CLN8: variants seen among roughly 807,000 people sequenced by gnomAD.
The protein encoded by CLN8 is CLN8 transmembrane ER and ERGIC protein.
In CLN8, 14 loss-of-function variants were observed where a neutral mutation model predicts 15.7. The ratio of observed to expected loss-of-function variants is 0.89; its 90% CI spans 0.59 to 1.39. The LOEUF (loss-of-function observed/expected upper bound fraction) is 1.39. Among genes scored for constraint, CLN8 ranks in the 40% most tolerant of loss-of-function variants. The pLI, the probability that CLN8 is intolerant of heterozygous loss-of-function variation, is 0.00. For missense variants in CLN8, 415 were observed against 364.0 expected (o/e 1.14, Z -1.14); for synonymous variants, 188 against 151.0 (o/e 1.25, Z -1.80).
rs1243513942 is a variant in CLN8, at chr8:1,785,369, C to T, written c.*4802C>T. ...GTGGCACAGGCGGCGTGGGGTTAGA[C>T]AGGTACCGGTCAGATTACGGTGGCA... On this transcript the variant is annotated 3_prime_UTR_variant, in exon 3 of 3. Coordinates refer to ENST00000331222, the MANE Select transcript of CLN8 (RefSeq NM_018941.4). 1 of 138,994 alleles carries T rather than the reference C, an allele frequency of 7.2e-6. No homozygotes were observed. The highest frequency in any genetic ancestry group is 1.5e-5 in the Non-Finnish European group (1 of 66,276). 8.6% of individuals were successfully genotyped at this position (138,994 alleles called of 1,614,324 possible). A position where few individuals can be genotyped will look rare whatever the true frequency, so the allele number is the denominator to read the frequency against.
intron 2 of CLN8, among the ~76,000 whole-genome samples, chr8:1,775,629 G>A (rs553357580): frequency 6.6e-6 from 1 of 152,194 alleles, no homozygotes; most frequent in Admixed American, 6.5e-5. Context: ...GAAAATGGTG[G>A]AGGAGAACTT....
upstream of CLN8, among the ~76,000 whole-genome samples, chr8:1,755,018 C>T (rs1320479602): frequency 6.6e-6 from 1 of 152,196 alleles, no homozygotes; most frequent in African/African-American, 2.4e-5. Flanking sequence ...TACAGACCTC[C>T]GAGCCAATGA....
chr8:1,771,304 G>T lies in CLN8; in HGVS notation c.250G>T (p.Ala84Ser). ...TCAGAGCACAGCCGCAGGCCTGTGG[G>T]CTCTGCTGGGGGACCCTGTGCTGCA... ...GVQSTAAGLW[A>S]LLGDPVLHAD... Residue 84 changes from alanine (A) to serine (S), a missense_variant, in exon 2 of 3, where the codon GCT (alanine) becomes TCT (serine). Ala to Ser is a moderately conservative substitution (Grantham distance 99). Transcript: ENST00000331222. 1 of 1,614,176 alleles carries T rather than the reference G, an allele frequency of 6.2e-7. No individual in the cohort carries two copies. Among genetic ancestry groups the T allele is most frequent in the East Asian group, 2.2e-5 (1 of 44,876 alleles).
intron 1 of CLN8, among the ~76,000 whole-genome samples, chr8:1,767,674 C>A (rs1217117687): frequency 1.5e-5 from 2 of 136,666 alleles, no homozygotes; most frequent in Non-Finnish European, 3.1e-5. Context: ...CGGGTTCAAG[C>A]GATTCTCCTG....
rs1433372028 is a variant in CLN8, at chr8:1,782,892, C to G, written c.*2325C>G. The G allele has an allele frequency of 6.6e-6, 1 of 152,242 alleles. No individual in the cohort carries two copies. The highest frequency in any genetic ancestry group is 1.5e-5 in the Non-Finnish European group (1 of 68,048). 9.4% of individuals were successfully genotyped at this position (152,242 alleles called of 1,614,324 possible). Reference sequence around the variant, plus strand: ...CTTCCCAGGGGTCCACACTTTACCTCCTGTATCTTCATACGCGTGTGTGGA... The same window carrying G: ...CTTCCCAGGGGTCCACACTTTACCTGCTGTATCTTCATACGCGTGTGTGGA... On this transcript the variant is annotated 3_prime_UTR_variant, in exon 3 of 3. Coordinates refer to ENST00000331222, the MANE Select transcript of CLN8 (RefSeq NM_018941.4).
rs778330341 is a variant in CLN8, at chr8:1,786,417, G to A, written c.*5850G>A. ...CTTTCTTCCTATTTTCTTCTAATGC[G>A]AGAGCTTATTAATTCCATATTTATC... On this transcript the variant is annotated 3_prime_UTR_variant, in exon 3 of 3. Coordinates refer to ENST00000331222, the MANE Select transcript of CLN8 (RefSeq NM_018941.4). The A allele has an allele frequency of 6.6e-6, 1 of 152,162 alleles. No homozygotes were observed. The highest frequency in any genetic ancestry group is 1.5e-5 in the Non-Finnish European group (1 of 68,034). 9.4% of individuals were successfully genotyped at this position (152,162 alleles called of 1,614,324 possible).
intron 2 of CLN8, chr8:1,773,102 A>G (rs1801379083): frequency 2.5e-6 from 1 of 394,128 alleles, no homozygotes; most frequent in African/African-American, 2.1e-5. Context: ...GCACCTGGGA[A>G]CTCAAGGAGG....
Position 1,771,101 on chromosome 8 carries a change from T to G in CLN8, c.47T>G (p.Leu16Arg), listed in dbSNP as rs886043652. Reference sequence around the variant, plus strand: ...GGCACATCAGAGAGCATTTTTGACCTGGACTATGCATCCTGGGGGATCCGC... The same window carrying G: ...GGCACATCAGAGAGCATTTTTGACCGGGACTATGCATCCTGGGGGATCCGC... ...DGGTSESIFD[L>R]DYASWGIRST... Residue 16 changes from leucine (L) to arginine (R), a missense_variant, in exon 2 of 3, where the codon CTG becomes CGG. By Grantham distance (102) the Leu-to-Arg change is moderately radical (BLOSUM62 -2). Transcript: ENST00000331222. 1 of 1,614,068 alleles carries G rather than the reference T, an allele frequency of 6.2e-7. No homozygotes were observed. The highest frequency in any genetic ancestry group is 8.5e-7 in the Non-Finnish European group (1 of 1,180,018).
At chr8:1,766,488 C>T (rs1349978341) in intron 1 of CLN8, among the ~76,000 whole-genome samples, 2 of 151,366 alleles carry the variant, frequency 1.3e-5, no homozygotes, top group African/African-American at 4.9e-5. Context: ...CTTCCAGGTT[C>T]CCGCCATTCT....
At chr8:1,772,619 A>C (rs1801358978) in intron 2 of CLN8, among the ~76,000 whole-genome samples, 1 of 150,572 alleles carries the variant, frequency 6.6e-6, no homozygotes, top group African/African-American at 2.5e-5. Flanking sequence ...CACCACGCCT[A>C]GCTAATTTGT....
At position 1,780,629 on chromosome 8, in the gene CLN8, C is replaced by T. The variant is rs898331793; in HGVS notation, c.*62C>T. ...GGCACACCGATTCTGGGAAGCCCCG[C>T]GAATGATGGCTTTTGAATTAATGAG... On this transcript the variant is annotated 3_prime_UTR_variant, in exon 3 of 3. Transcript: ENST00000331222. 5.7e-5 allele frequency: 84 copies of T among 1,477,026 alleles called. No homozygotes were observed. Among genetic ancestry groups the T allele is most frequent in the Non-Finnish European group, 7.2e-5 (77 of 1,064,722 alleles). The allele number at this position is 1,477,026 out of a possible 1,614,324, so 91.5% of individuals were successfully genotyped here.
intron 2 of CLN8, among the ~76,000 whole-genome samples, chr8:1,778,850 G>T (rs748729684): frequency 6.6e-6 from 1 of 152,164 alleles, no homozygotes; most frequent in Non-Finnish European, 1.5e-5. Context: ...CTTTGACTCA[G>T]GATGGGGTTA....
At chr8:1,777,201 G>T (rs1801554936) in intron 2 of CLN8, among the ~76,000 whole-genome samples, 1 of 152,120 alleles carries the variant, frequency 6.6e-6, no homozygotes, top group Non-Finnish European at 1.5e-5. Flanking sequence ...TAACACAACT[G>T]TAAATATTTG....
At chr8:1,773,261 A>G (rs1388213303) in intron 2 of CLN8, among the ~76,000 whole-genome samples, 2 of 152,142 alleles carry the variant, frequency 1.3e-5, no homozygotes, top group South Asian at 2.1e-4. Context: ...AGTTAAGGCA[A>G]GTGAATGAGG....
intron 1 of CLN8, among the ~76,000 whole-genome samples, chr8:1,768,732 C>T (rs1801180512): frequency 6.6e-6 from 1 of 152,172 alleles, no homozygotes; most frequent in Admixed American, 6.5e-5. Context: ...CATTAGGCTG[C>T]ACTTGAAGTT....
At chr8:1,772,230 C>A (rs141337691) in intron 2 of CLN8, among the ~76,000 whole-genome samples, 1 of 151,702 alleles carries the variant, frequency 6.6e-6, no homozygotes, top group Non-Finnish European at 1.5e-5. Flanking sequence ...GCCACCGTGC[C>A]TGGCCTCTTT....
rs1801723187 is a variant in CLN8, at chr8:1,781,983, GTGTT to G, written c.*1418_*1421del. ...TGTGTGTGTGTGTGTGTGTGTGTGA[GTGTT>G]TTGATATAAACGTGCAATTAAAATT... On this transcript the variant is annotated 3_prime_UTR_variant, in exon 3 of 3. Coordinates refer to ENST00000331222, the MANE Select transcript of CLN8 (RefSeq NM_018941.4). 6.6e-6 allele frequency: 1 copy of G among 152,164 alleles called. No individual in the cohort carries two copies. The highest frequency in any genetic ancestry group is 2.4e-5 in the African/African-American group (1 of 41,478). 9.4% of individuals were successfully genotyped at this position (152,164 alleles called of 1,614,324 possible).
At chr8:1,772,082 C>T (rs761400410) in intron 2 of CLN8, among the ~76,000 whole-genome samples, 15 of 151,972 alleles carry the variant, frequency 9.9e-5, no homozygotes, top group Non-Finnish European at 1.6e-4. Context: ...ACTACAGGTG[C>T]GCACCACCAC....
Position 1,783,376 on chromosome 8 carries a change from T to C in CLN8, c.*2809T>C, listed in dbSNP as rs1801754419. ...TGAAAACTAGGACGATTGGGCAATA[T>C]CGGCCTTAACTCCACCTGATGGCAG... On this transcript the variant is annotated 3_prime_UTR_variant, in exon 3 of 3. Coordinates refer to ENST00000331222, the MANE Select transcript of CLN8 (RefSeq NM_018941.4). 6.6e-6 allele frequency: 1 copy of C among 152,212 alleles called. No individual in the cohort carries two copies. The highest frequency in any genetic ancestry group is 1.5e-5 in the Non-Finnish European group (1 of 68,054). The allele number at this position is 152,212 out of a possible 1,614,324, so 9.4% of individuals were successfully genotyped here.
Sources: gnomAD v4.1 joint callset for allele counts (sites outside exome capture counted in the v4.1 genomes callset) on GRCh38, gnomAD v4.1.1 for gene constraint, MANE v1.5 for transcripts, NCBI Gene and HGNC (gene_info 2026-07-23, HGNC 2026-07-21) for gene names.